Variants in FHIT observed in about 807,000 individuals in gnomAD.
FHIT encodes the protein bis(5'-adenosyl)-triphosphatase.
FHIT carries 19 observed loss-of-function variants against 17.9 expected under a neutral mutation model. The ratio of observed to expected loss-of-function variants is 1.06; its 90% CI spans 0.74 to 1.56. The LOEUF (loss-of-function observed/expected upper bound fraction) is 1.56. FHIT is among the 40% of genes most tolerant of loss of function. The pLI is 0.00. For missense variants in FHIT, 248 were observed against 189.2 expected, an observed-to-expected ratio of 1.31 and a Z score of -1.82; for synonymous variants, 81 against 69.7, an observed-to-expected ratio of 1.16 and a Z score of -0.81.
chr3:60,755,377 C>T (rs1553717995), intron 4 of FHIT, among the ~76,000 whole-genome samples: 1 of 152,204 alleles, frequency 6.6e-6, no homozygotes, highest in Non-Finnish European at 1.5e-5. Context: ...CCCATAGCTA[C>T]CCGATCTTCC....
Position 60,543,549 on chromosome 3 carries a change from TTCTA to T in FHIT, c.-17-6574_-17-6571del, listed in dbSNP as rs1188997282. On this transcript the variant is annotated intron_variant, in intron 4 of 9. Transcript: ENST00000492590. ...AAATTTCCCTTATATGTTTTATGCA[TTCTA>T]TCTTAGATTTATTCCTAGATAGCTT... Among the ~76,000 whole-genome samples the T allele has an allele frequency of 3.3e-5, 5 of 152,322 alleles. No homozygotes were observed. The East Asian group carries it at 9.6e-4, about 29-fold the overall frequency.
chr3:60,151,469 A>C (rs1433663400), intron 5 of FHIT, among the ~76,000 whole-genome samples: 1 of 152,180 alleles, frequency 6.6e-6, no homozygotes, highest in Non-Finnish European at 1.5e-5. Flanking sequence ...AAGAACCAGT[A>C]AATTCTTTTA....
At chr3:60,522,860 T>C (rs2035425391) in intron 5 of FHIT, among the ~76,000 whole-genome samples, 1 of 152,178 alleles carries the variant, frequency 6.6e-6, no homozygotes, top group Non-Finnish European at 1.5e-5. Flanking sequence ...GTGACCCATC[T>C]GTTTTTGTTG....
chr3:60,074,437 T>C (rs1702916635), intron 5 of FHIT, among the ~76,000 whole-genome samples: 1 of 152,084 alleles, frequency 6.6e-6, no homozygotes, highest in South Asian at 2.1e-4. Flanking sequence ...TTAAACTCCT[T>C]TGAAGAGCAA....
intron 7 of FHIT, among the ~76,000 whole-genome samples, chr3:59,944,584 G>C: frequency 6.6e-6 from 1 of 151,646 alleles, no homozygotes; most frequent in East Asian, 1.9e-4. Context: ...TAGGGAAATT[G>C]TAAGTCACAG....
At chr3:60,523,683 G>T (rs748767227) in intron 5 of FHIT, among the ~76,000 whole-genome samples, 2 of 152,184 alleles carry the variant, frequency 1.3e-5, no homozygotes, top group Non-Finnish European at 2.9e-5. Flanking sequence ...ATGAGCCGAC[G>T]AGTTATCAAA....
At chr3:61,105,616 G>A (rs555186485) in intron 2 of FHIT, among the ~76,000 whole-genome samples, 1 of 152,098 alleles carries the variant, frequency 6.6e-6, no homozygotes, top group South Asian at 2.1e-4. Flanking sequence ...AAAAAAGTCT[G>A]GGATCAACTC....
intron 5 of FHIT, among the ~76,000 whole-genome samples, chr3:60,248,597 A>G (rs1401648922): frequency 6.6e-6 from 1 of 152,114 alleles, no homozygotes; most frequent in Non-Finnish European, 1.5e-5. Flanking sequence ...AAACTCTGAG[A>G]AATTTGTCAG....
intron 8 of FHIT, among the ~76,000 whole-genome samples, chr3:59,845,150 A>G (rs1447613181): frequency 6.6e-6 from 1 of 151,890 alleles, no homozygotes; most frequent in African/African-American, 2.4e-5. Context: ...TTCATTTCTG[A>G]TTTTATTAAT....
intron 1 of FHIT, chr3:61,243,904 C>T (rs1163764832): frequency 3.9e-5 from 6 of 152,182 alleles, no homozygotes; most frequent in Non-Finnish European, 5.9e-5. Context: ...TCATCAAATT[C>T]CATGACAGCT....
intron 2 of FHIT, among the ~76,000 whole-genome samples, chr3:61,130,927 A>C (rs1369852301): frequency 2.0e-5 from 3 of 152,194 alleles, no homozygotes; most frequent in Non-Finnish European, 2.9e-5. Flanking sequence ...TAATGATCCT[A>C]GGCCTGTATG....
chr3:60,101,456 C>T (rs1704187382), intron 5 of FHIT, among the ~76,000 whole-genome samples: 1 of 152,202 alleles, frequency 6.6e-6, no homozygotes, highest in Non-Finnish European at 1.5e-5. Flanking sequence ...TAAGTGTCAC[C>T]TTCAGAAAGT....
intron 4 of FHIT, among the ~76,000 whole-genome samples, chr3:60,594,638 C>G (rs538314342): frequency 6.6e-6 from 1 of 152,090 alleles, no homozygotes. Flanking sequence ...CCTTCCAACA[C>G]TATAAAGGGT....
intron 8 of FHIT, among the ~76,000 whole-genome samples, chr3:59,914,202 C>CT (rs61018838): frequency 0.62 from 93,023 of 150,758 alleles, 30,527 homozygotes; most frequent in Non-Finnish European, 0.73. Flanking sequence ...GAGATATTTA[C>CT]TTTTTTTTTG....
chr3:60,564,905 T>A (rs186722326), intron 4 of FHIT, among the ~76,000 whole-genome samples: 1 of 152,244 alleles, frequency 6.6e-6, no homozygotes, highest in East Asian at 1.9e-4. Context: ...TAAAATAAGT[T>A]CTACTATGAG....
At chr3:60,652,727 CAAAAAAAAAA>C (rs782637479) in intron 4 of FHIT, among the ~76,000 whole-genome samples, 2 of 59,018 alleles carry the variant, frequency 3.4e-5, no homozygotes, top group Middle Eastern at 0.013. Context: ...GACTCCATCT[CAAAAAAAAAA>C]AAAAAAAAAA....
intron 3 of FHIT, among the ~76,000 whole-genome samples, chr3:60,963,304 T>G (rs1472693632): frequency 6.6e-6 from 1 of 152,246 alleles, no homozygotes; most frequent in East Asian, 1.9e-4. Context: ...ATTGCATCTA[T>G]TTGATTCTTC....
At chr3:59,809,652 A>C (rs920742839) in intron 8 of FHIT, among the ~76,000 whole-genome samples, 2 of 152,206 alleles carry the variant, frequency 1.3e-5, no homozygotes, top group East Asian at 3.9e-4. Context: ...TTAGAAACAA[A>C]TAGGGTCTGA....
chr3:59,818,314 C>G, intron 8 of FHIT, among the ~76,000 whole-genome samples: 1 of 152,070 alleles, frequency 6.6e-6, no homozygotes, highest in East Asian at 1.9e-4. Flanking sequence ...CCCGAGAACA[C>G]AGCGTGTGCA....
Sources: allele counts gnomAD v4.1 joint callset (sites outside exome capture counted in the v4.1 genomes callset), GRCh38; gene constraint gnomAD v4.1.1; transcripts MANE v1.5; gene names NCBI Gene and HGNC (gene_info 2026-07-23, HGNC 2026-07-21).